The following SYT2 variants were observed in gnomAD, a reference collection of about 807,000 sequenced individuals.
SYT2 encodes synaptotagmin-2.
Under a neutral mutation model 39.9 loss-of-function variants are expected in SYT2, and 15 were observed. The ratio of observed to expected loss-of-function variants is 0.38; its 90% CI spans 0.25 to 0.58. The LOEUF (loss-of-function observed/expected upper bound fraction) is 0.58, where lower values mean the gene tolerates loss of function less well. Among genes scored for constraint, SYT2 ranks in the 20% least tolerant of loss-of-function variants. SYT2 has a pLI of 0.70. For missense variants in SYT2, 389 were observed against 530.3 expected, an observed-to-expected ratio of 0.73 and a Z score of 2.62; for synonymous variants, 181 against 204.5, an observed-to-expected ratio of 0.89 and a Z score of 0.98.
In SYT2 at chr1:202,689,523, C is replaced by A. The variant is rs180994370; in HGVS notation, c.-18+20735G>T. On this transcript the variant is annotated intron_variant, in intron 1 of 8. Transcript: ENST00000367268. ...TTGGCAAACAGCTCTGTGGAGTGGC[C>A]TTGTGGGAGGAGTCCGGCTCCACAA... 2.8e-4 allele frequency among the ~76,000 whole-genome samples: 42 copies of A among 152,234 alleles called. 3 individuals are homozygous for A. The East Asian group carries it at 6.4e-3, about 23-fold the overall frequency.
At chr1:202,600,525 C>G in intron 6 of SYT2, 51 bp from the exon 7 acceptor site, 3 of 1,563,712 alleles carry the variant, frequency 1.9e-6, no homozygotes, top group Non-Finnish European at 2.6e-6. Context: ...CCTAGTGCCT[C>G]TCTCATGGCT....
chr1:202,668,717 G>T (rs1381245714), intron 1 of SYT2, among the ~76,000 whole-genome samples: 1 of 152,220 alleles, frequency 6.6e-6, no homozygotes, highest in Admixed American at 6.5e-5. Flanking sequence ...CAGGTAACTT[G>T]CATAAGAGCT....
intron 1 of SYT2, among the ~76,000 whole-genome samples, chr1:202,658,085 G>T (rs1432947997): frequency 8.6e-5 from 13 of 151,988 alleles, no homozygotes; most frequent in Admixed American, 8.5e-4. Flanking sequence ...TTCCTCTCTG[G>T]GTCTCAGGTT....
intron 1 of SYT2, among the ~76,000 whole-genome samples, chr1:202,617,135 T>C (rs1311239797): frequency 6.6e-6 from 1 of 152,192 alleles, no homozygotes; most frequent in Non-Finnish European, 1.5e-5. Flanking sequence ...ACTCCTTCTT[T>C]TGTTTCCCCT....
intron 1 of SYT2, among the ~76,000 whole-genome samples, chr1:202,661,183 A>G (rs1692372082): frequency 6.6e-6 from 1 of 151,994 alleles, no homozygotes. Flanking sequence ...TGCTAAGGTT[A>G]AGTGCACAGC....
chr1:202,655,928 G>A (rs1483837199), intron 1 of SYT2, among the ~76,000 whole-genome samples: 1 of 152,112 alleles, frequency 6.6e-6, no homozygotes, highest in Non-Finnish European at 1.5e-5. Flanking sequence ...GCCTGCTTGG[G>A]GCAAAAAGTG....
intron 1 of SYT2, among the ~76,000 whole-genome samples, chr1:202,645,035 T>C (rs539232758): frequency 8.5e-5 from 13 of 152,288 alleles, no homozygotes; most frequent in African/African-American, 1.7e-4. Flanking sequence ...TGCATCTGCA[T>C]ACCTGGGTGT....
chr1:202,637,886 T>C (rs1036067319), intron 1 of SYT2, among the ~76,000 whole-genome samples: 24 of 152,248 alleles, frequency 1.6e-4, no homozygotes, highest in African/African-American at 5.5e-4. Context: ...AGCGCTGACC[T>C]CCAGGAATGT....
chr1:202,604,647 G>A (rs1430061829), intron 2 of SYT2, 26 bp from the exon 3 acceptor site: 1 of 1,608,998 alleles, frequency 6.2e-7, no homozygotes, highest in African/African-American at 1.3e-5. Flanking sequence ...AGATCCCAGG[G>A]TCAGCAGTGC....
intron 1 of SYT2, among the ~76,000 whole-genome samples, chr1:202,631,571 A>T (rs1261776809): frequency 6.6e-6 from 1 of 152,100 alleles, no homozygotes; most frequent in Non-Finnish European, 1.5e-5. Context: ...CCCACCCAAG[A>T]CACCAGGCAT....
chr1:202,682,477 T>C (rs1410545638), intron 1 of SYT2, among the ~76,000 whole-genome samples: 1 of 152,164 alleles, frequency 6.6e-6, no homozygotes, highest in Non-Finnish European at 1.5e-5. Context: ...AGGGAGGAGA[T>C]GACCATGGTC....
rs1370823482 is a variant in SYT2, at chr1:202,628,499, C to T, written c.-17-22710G>A. ...GGACAGAGACGTGCCCATCACTCTT[C>T]AGACAGAGATGCCCATTATCACCAA... On this transcript the variant is annotated intron_variant, in intron 1 of 8. Coordinates refer to ENST00000367268, the MANE Select transcript of SYT2 (RefSeq NM_177402.5). The surrounding 1 kb of genome is among the most constrained non-coding windows in gnomAD (Gnocchi z 4.2). Among the ~76,000 whole-genome samples the T allele has an allele frequency of 6.6e-6, 1 of 152,232 alleles. No homozygotes were observed. The highest frequency in any genetic ancestry group is 1.5e-5 in the Non-Finnish European group (1 of 68,048).
Position 202,685,610 on chromosome 1 carries a change from G to A in SYT2, c.-18+24648C>T, listed in dbSNP as rs1457012786. ...TCACCACATGAAGGGATGCTTGGGCGGGGTGGAAAAGAAAGTTTGAGGGAA... is the reference window on the plus strand; with the variant it reads ...TCACCACATGAAGGGATGCTTGGGCAGGGTGGAAAAGAAAGTTTGAGGGAA... On this transcript the variant is annotated intron_variant, in intron 1 of 8. Coordinates refer to ENST00000367268, the MANE Select transcript of SYT2 (RefSeq NM_177402.5). Among the ~76,000 whole-genome samples the A allele has an allele frequency of 3.9e-5, 6 of 152,096 alleles. No individual in the cohort carries two copies. In the South Asian group the frequency reaches 6.2e-4, roughly 16 times the overall value.
chr1:202,689,818 C>T (rs529311006), intron 1 of SYT2, among the ~76,000 whole-genome samples: 13 of 151,860 alleles, frequency 8.6e-5, no homozygotes, highest in Non-Finnish European at 1.3e-4. Flanking sequence ...TAGACACCCC[C>T]ACAAGGTAGG....
At chr1:202,630,754 C>G (rs1219343957) in intron 1 of SYT2, among the ~76,000 whole-genome samples, 1 of 152,194 alleles carries the variant, frequency 6.6e-6, no homozygotes, top group Non-Finnish European at 1.5e-5. Flanking sequence ...CACCAGAGGC[C>G]TCAAGGTTTT....
At chr1:202,661,941 C>T (rs1240276072) in intron 1 of SYT2, among the ~76,000 whole-genome samples, 1 of 152,198 alleles carries the variant, frequency 6.6e-6, no homozygotes, top group Non-Finnish European at 1.5e-5. Context: ...CAGGGCTGTG[C>T]TAGTCACTGG....
chr1:202,611,548 GT>G lies in SYT2; in HGVS notation c.-17-5760del, dbSNP rs568482195. Reference sequence around the variant, plus strand: ...TTTTTGTATTTTTAGTAGAGACGGGGTTTTACCATGTTGGCCAGGCTGGTCC... The same window carrying G: ...TTTTTGTATTTTTAGTAGAGACGGGGTTTACCATGTTGGCCAGGCTGGTCC... On this transcript the variant is annotated intron_variant, in intron 1 of 8. Coordinates refer to ENST00000367268, the MANE Select transcript of SYT2 (RefSeq NM_177402.5). 7.2e-5 allele frequency among the ~76,000 whole-genome samples: 11 copies of G among 152,160 alleles called. 1 individual carries two copies. In the South Asian group the frequency reaches 2.3e-3, roughly 32 times the overall value.
At chr1:202,615,684 C>G (rs1402648603) in intron 1 of SYT2, among the ~76,000 whole-genome samples, 2 of 152,208 alleles carry the variant, frequency 1.3e-5, no homozygotes, top group Non-Finnish European at 2.9e-5. Context: ...TCCTTGCTCT[C>G]AGTCACGCAG....
chr1:202,596,656 T>A lies in SYT2; in HGVS notation c.*101A>T. 1.7e-6 allele frequency: 2 copies of A among 1,172,108 alleles called. No homozygotes were observed. The highest frequency in any genetic ancestry group is 2.4e-6 in the Non-Finnish European group (2 of 840,268). The allele number at this position is 1,172,108 out of a possible 1,614,324, so 72.6% of individuals were successfully genotyped here. On this transcript the variant is annotated 3_prime_UTR_variant, in exon 9 of 9. Coordinates refer to ENST00000367268, the MANE Select transcript of SYT2 (RefSeq NM_177402.5). Reference sequence around the variant, plus strand: ...AACAAGGACACAACCACCCAACAAATGAAAGAAAAAAGAAAACCTCTAAGG... The same window carrying A: ...AACAAGGACACAACCACCCAACAAAAGAAAGAAAAAAGAAAACCTCTAAGG...
Sources: gnomAD v4.1 joint callset for allele counts (sites outside exome capture counted in the v4.1 genomes callset) on GRCh38, gnomAD v4.1.1 for gene constraint, Gnocchi (gnomAD v3.1) non-coding constraint, MANE v1.5 for transcripts, NCBI Gene and HGNC (gene_info 2026-07-23, HGNC 2026-07-21) for gene names.